The following DTNA variants were observed in gnomAD, a reference collection of about 807,000 sequenced individuals.
The protein encoded by DTNA is dystrophin-related protein 3.
In DTNA, 43 loss-of-function variants were observed where a neutral mutation model predicts 100.7. The ratio of observed to expected loss-of-function variants is 0.43; its 90% CI spans 0.33 to 0.55. The LOEUF is 0.55. Ranked by LOEUF, DTNA falls within the 20% of genes least tolerant of loss-of-function variation. The pLI, the probability that DTNA is intolerant of heterozygous loss-of-function variation, is 0.04. For missense variants in DTNA, 798 were observed against 953.9 expected (o/e 0.84, Z 2.15); for synonymous variants, 349 against 347.9 (o/e 1.00, Z -0.04).
intron 1 of DTNA, among the ~76,000 whole-genome samples, chr18:34,555,513 A>C (rs1427468997): frequency 6.6e-6 from 1 of 151,858 alleles, no homozygotes; most frequent in Non-Finnish European, 1.5e-5. Flanking sequence ...GTGGACATTT[A>C]GTGCTATAAA....
At chr18:34,790,837 A>C (rs2094706505) in intron 3 of DTNA, among the ~76,000 whole-genome samples, 1 of 152,182 alleles carries the variant, frequency 6.6e-6, no homozygotes, top group Admixed American at 6.5e-5. Flanking sequence ...GGGTAACGAA[A>C]TTGGGTGGTG....
chr18:34,742,629 T>TTCTATTATCTATCTAGATAGATGGATAA (rs2090878951), intron 1 of DTNA, among the ~76,000 whole-genome samples: 2 of 137,812 alleles, frequency 1.5e-5, no homozygotes, highest in South Asian at 2.5e-4. Context: ...TCTGATTATC[T>TTCTATTATCTATCTAGATAGATGGATAA]TCTATTATCT....
At chr18:34,519,521 C>A (rs1486526242) in intron 1 of DTNA, among the ~76,000 whole-genome samples, 1 of 152,136 alleles carries the variant, frequency 6.6e-6, no homozygotes, top group Non-Finnish European at 1.5e-5. Flanking sequence ...GGCCCTAGAG[C>A]TTTTGGGACT....
At chr18:34,669,738 A>C (rs957088345) in intron 1 of DTNA, among the ~76,000 whole-genome samples, 1 of 152,154 alleles carries the variant, frequency 6.6e-6, no homozygotes, top group African/African-American at 2.4e-5. Flanking sequence ...TTTCTTTAAG[A>C]ATGTTGAATA....
intron 1 of DTNA, among the ~76,000 whole-genome samples, chr18:34,623,424 T>C (rs2056844659): frequency 6.6e-6 from 1 of 152,228 alleles, no homozygotes; most frequent in Admixed American, 6.5e-5. Flanking sequence ...TAATAAAATG[T>C]ATAGTACAAA....
intron 1 of DTNA, among the ~76,000 whole-genome samples, chr18:34,514,872 G>T (rs2041441166): frequency 1.3e-5 from 2 of 151,900 alleles, no homozygotes. Flanking sequence ...CATCAACTTG[G>T]GTGTTAGGAT....
intron 13 of DTNA, among the ~76,000 whole-genome samples, chr18:34,847,969 A>G (rs1390223020): frequency 6.6e-6 from 1 of 152,216 alleles, no homozygotes; most frequent in Non-Finnish European, 1.5e-5. Context: ...TTACTTGTGT[A>G]AAAAGGAAAG....
intron 1 of DTNA, among the ~76,000 whole-genome samples, chr18:34,513,194 T>C (rs1244655755): frequency 6.6e-6 from 1 of 152,106 alleles, no homozygotes; most frequent in African/African-American, 2.4e-5. Flanking sequence ...GGATTTGTTA[T>C]GCTAATTTCC....
intron 15 of DTNA, 65 bp from the exon 16 acceptor site, chr18:34,858,220 G>C (rs971294219): frequency 1.4e-6 from 2 of 1,476,136 alleles, no homozygotes; most frequent in Non-Finnish European, 1.9e-6. Context: ...GCCTTGATCT[G>C]CTCCGATGTT....
chr18:34,822,655 T>C (rs1568650573), intron 9 of DTNA: 2 of 153,466 alleles, frequency 1.3e-5, no homozygotes, highest in African/African-American at 2.4e-5. Flanking sequence ...TGCACGTGTG[T>C]GTCTGCATGA....
At chr18:34,765,789 G>A (rs551397279) in intron 2 of DTNA, 172 bp from the exon 3 acceptor site, 50 of 607,426 alleles carry the variant, frequency 8.2e-5, no homozygotes, top group African/African-American at 8.2e-4. Flanking sequence ...TAGAACCTGA[G>A]GAACTTGTCC....
chr18:34,784,223 T>TA (rs2094435520), intron 3 of DTNA, among the ~76,000 whole-genome samples: 1 of 152,204 alleles, frequency 6.6e-6, no homozygotes, highest in South Asian at 2.1e-4. Flanking sequence ...AAAATGAAAT[T>TA]AAACATTTAA....
At chr18:34,530,413 T>C (rs1196342077) in intron 1 of DTNA, among the ~76,000 whole-genome samples, 2 of 152,126 alleles carry the variant, frequency 1.3e-5, no homozygotes, top group African/African-American at 2.4e-5. Flanking sequence ...AAAATCATTC[T>C]GAAATCATGA....
intron 1 of DTNA, among the ~76,000 whole-genome samples, chr18:34,688,184 A>T (rs2079185650): frequency 6.6e-6 from 1 of 152,174 alleles, no homozygotes; most frequent in South Asian, 2.1e-4. Flanking sequence ...TCCTGTCATC[A>T]TGATGCTAGC....
intron 1 of DTNA, among the ~76,000 whole-genome samples, chr18:34,496,205 AACACACACACACACACACACACACAC>A (rs367764683): frequency 7.2e-6 from 1 of 138,498 alleles, no homozygotes; most frequent in African/African-American, 2.8e-5. Context: ...CCCTCCCTGC[AACACACACACACACACACACACACAC>A]ACACACACAC....
chr18:34,521,590 C>T (rs1200979562), intron 1 of DTNA, among the ~76,000 whole-genome samples: 1 of 152,126 alleles, frequency 6.6e-6, no homozygotes, highest in Non-Finnish European at 1.5e-5. Context: ...TCTCATATTA[C>T]TCTATTCCTT....
chr18:34,541,262 C>G (rs972185043), intron 1 of DTNA, among the ~76,000 whole-genome samples: 1 of 152,012 alleles, frequency 6.6e-6, no homozygotes, highest in African/African-American at 2.4e-5. Flanking sequence ...TTACAGGAGT[C>G]TAGGCCCACA....
Position 34,827,604 on chromosome 18 carries a change from C to A in DTNA, c.1013C>A (p.Pro338His). 1 of 1,613,868 alleles carries A rather than the reference C, an allele frequency of 6.2e-7. No individual in the cohort carries two copies. Among genetic ancestry groups the A allele is most frequent in the Non-Finnish European group, 8.5e-7 (1 of 1,179,822 alleles). ...GTGTTTTGTTTTAGGCCTCCCAGAC[C>A]TGTAACCAGCATGAACGACACCCTG... Reference protein sequence around the residue: ...LNLAHIVPPRPVTSMNDTLFS... With the variant: ...LNLAHIVPPRHVTSMNDTLFS... The change falls in exon 10 of 23, where the codon CCT becomes CAT. Residue 338 changes from proline (P) to histidine (H), a missense_variant. Pro to His is a moderately conservative substitution (Grantham distance 77). Transcript: ENST00000444659.
intron 15 of DTNA, among the ~76,000 whole-genome samples, chr18:34,855,973 A>G (rs960139031): frequency 1.3e-5 from 2 of 152,182 alleles, no homozygotes; most frequent in African/African-American, 4.8e-5. Context: ...CAGAATCAGC[A>G]TGAAGCACCA....
Sources: gnomAD v4.1 joint callset for allele counts (sites outside exome capture counted in the v4.1 genomes callset) on GRCh38, gnomAD v4.1.1 for gene constraint, MANE v1.5 for transcripts, NCBI Gene and HGNC (gene_info 2026-07-23, HGNC 2026-07-21) for gene names.